KAT6A: variants seen among roughly 807,000 people sequenced by gnomAD.
KAT6A encodes histone acetyltransferase KAT6A.
In KAT6A, 9 loss-of-function variants were observed where a neutral mutation model predicts 198.4. The observed-to-expected ratio is 0.05, with a 90% CI of 0.03 to 0.08. The LOEUF (loss-of-function observed/expected upper bound fraction) is 0.08. Among genes scored for constraint, KAT6A ranks in the 10% least tolerant of loss-of-function variants. The pLI, the probability that KAT6A is intolerant of heterozygous loss-of-function variation, is 1.00. For missense variants in KAT6A, 2,077 were observed against 2,509.9 expected (o/e 0.83, Z 3.69); for synonymous variants, 890 against 883.0 (o/e 1.01, Z -0.14).
intron 7 of KAT6A, 81 bp from the exon 8 acceptor site, chr8:41,974,903 A>C: frequency 1.3e-6 from 1 of 770,962 alleles, no homozygotes; most frequent in Non-Finnish European, 2.2e-6. Context: ...TCTTTATTTC[A>C]ATTTGAAGAA....
rs957813237 is a variant in KAT6A at position 41,942,853 on chromosome 8, C to T, written c.2376G>A (p.Glu792=). Residue 792 remains glutamate (E), a synonymous_variant, in exon 14 of 17, where the codon GAG becomes GAA. Transcript: ENST00000265713. The part of the protein sequence containing the change: ...SNSVVSEEEE[E]EAEEGENEEP... ...CTTCGTTTTCTCCTTCCTCAGCCTC[C>T]TCTTCTTCCTCCTCTGAGACCACAG... 2 of 1,614,182 alleles carry T rather than the reference C, an allele frequency of 1.2e-6. No individual in the cohort carries two copies. The highest frequency in any genetic ancestry group is 1.3e-5 in the African/African-American group (1 of 75,040).
chr8:42,036,880 C>G (rs1369385662), intron 2 of KAT6A, among the ~76,000 whole-genome samples: 2 of 152,170 alleles, frequency 1.3e-5, no homozygotes, highest in African/African-American at 4.8e-5. Flanking sequence ...ATGTACATTT[C>G]CAGAAGTACA....
At chr8:42,011,085 C>G (rs1825998265) in intron 2 of KAT6A, among the ~76,000 whole-genome samples, 1 of 152,258 alleles carries the variant, frequency 6.6e-6, no homozygotes, top group African/African-American at 2.4e-5. Flanking sequence ...ACAGTTTGGT[C>G]CTATGCACTA....
chr8:42,031,652 C>T (rs1454623241), intron 2 of KAT6A, among the ~76,000 whole-genome samples: 3 of 100,108 alleles, frequency 3.0e-5, no homozygotes, highest in Admixed American at 1.6e-4. Context: ...TTTTTGGAGA[C>T]GGAGTCTAGC....
chr8:41,948,964 T>C (rs1159205063), intron 10 of KAT6A, among the ~76,000 whole-genome samples: 1 of 152,260 alleles, frequency 6.6e-6, no homozygotes, highest in African/African-American at 2.4e-5. Context: ...TGTGAGATAT[T>C]CCTTTTAAAT....
At chr8:41,940,792 AAGATAAACT>A in intron 15 of KAT6A, 41 bp downstream of exon 15, 2 of 1,563,548 alleles carry the variant, frequency 1.3e-6, no homozygotes, top group Non-Finnish European at 1.7e-6. Context: ...GAGAAGGTGT[AAGATAAACT>A]GGAATTGGAG....
intron 7 of KAT6A, among the ~76,000 whole-genome samples, chr8:41,976,214 G>C (rs1272736151): frequency 6.6e-6 from 1 of 152,198 alleles, no homozygotes; most frequent in Non-Finnish European, 1.5e-5. Context: ...TGTAGTAGAT[G>C]AGACACTACA....
intron 9 of KAT6A, among the ~76,000 whole-genome samples, chr8:41,953,103 TCTC>T (rs1187705604): frequency 1.3e-4 from 20 of 152,198 alleles, no homozygotes; most frequent in Admixed American, 2.6e-4. Flanking sequence ...TGATAACTAG[TCTC>T]CTCACACCTG....
At chr8:41,998,565 A>G (rs879503481) in intron 2 of KAT6A, among the ~76,000 whole-genome samples, 1 of 152,136 alleles carries the variant, frequency 6.6e-6, no homozygotes, top group East Asian at 1.9e-4. Flanking sequence ...AGGTGAGCAG[A>G]TATCACCACT....
chr8:41,986,711 T>C (rs1338632415), intron 3 of KAT6A, among the ~76,000 whole-genome samples: 1 of 152,134 alleles, frequency 6.6e-6, no homozygotes, highest in East Asian at 1.9e-4. Flanking sequence ...TAAAATACAG[T>C]CATGCACCAC....
intron 3 of KAT6A, among the ~76,000 whole-genome samples, chr8:41,984,407 T>C (rs911586918): frequency 4.6e-5 from 7 of 152,124 alleles, no homozygotes; most frequent in African/African-American, 4.8e-5. Flanking sequence ...CTGAAGCTTC[T>C]TGTCGACAAG....
chr8:42,040,350 A>C (rs760035200), intron 2 of KAT6A, among the ~76,000 whole-genome samples: 1 of 152,196 alleles, frequency 6.6e-6, no homozygotes, highest in Non-Finnish European at 1.5e-5. Flanking sequence ...TGTCTTCATT[A>C]ATTCCTTCCC....
chr8:42,040,774 A>G (rs1827628342), intron 2 of KAT6A, among the ~76,000 whole-genome samples: 1 of 151,082 alleles, frequency 6.6e-6, no homozygotes, highest in African/African-American at 2.4e-5. Flanking sequence ...AGAAAGAAAG[A>G]AAAGAAAAAT....
At chr8:41,939,158 G>A (rs1320569384) in intron 15 of KAT6A, among the ~76,000 whole-genome samples, 1 of 151,900 alleles carries the variant, frequency 6.6e-6, no homozygotes, top group Non-Finnish European at 1.5e-5. Context: ...GAGGGAGAAA[G>A]GACAAATCTC....
chr8:42,000,695 C>T (rs1189607314), intron 2 of KAT6A, among the ~76,000 whole-genome samples: 7 of 152,074 alleles, frequency 4.6e-5, no homozygotes, highest in African/African-American at 1.7e-4. Flanking sequence ...GTGAACAAAT[C>T]GGCATATAGC....
rs1179477445 is a variant in KAT6A at position 41,930,491 on chromosome 8, G to C, written c.*1714C>G. On this transcript the variant is annotated 3_prime_UTR_variant, in exon 17 of 17. Transcript: ENST00000265713. ...GTATTAAAAAAACCAACAAACCTGT[G>C]CATTTGAAAAAAGTTAATGCCTAAT... is the stretch of plus-strand genomic sequence containing the variant. 4.8e-6 allele frequency: 1 copy of C among 207,272 alleles called. No homozygotes were observed. The highest frequency in any genetic ancestry group is 6.0e-5 in the Admixed American group (1 of 16,786). The allele number at this position is 207,272 out of a possible 1,614,324, so 12.8% of individuals were successfully genotyped here.
chr8:42,024,535 T>G (rs1826701785), intron 2 of KAT6A, among the ~76,000 whole-genome samples: 1 of 152,188 alleles, frequency 6.6e-6, no homozygotes, highest in African/African-American at 2.4e-5. Flanking sequence ...AAATTAGAAC[T>G]TATTCCTTCT....
chr8:42,032,491 T>C (rs1827179767), intron 2 of KAT6A, among the ~76,000 whole-genome samples: 1 of 152,224 alleles, frequency 6.6e-6, no homozygotes, highest in South Asian at 2.1e-4. Flanking sequence ...GCTAAAGTTA[T>C]GAGAAACAAA....
At chr8:41,978,536 C>A in intron 6 of KAT6A, 106 bp downstream of exon 6, 1 of 1,132,126 alleles carries the variant, frequency 8.8e-7, no homozygotes, top group Non-Finnish European at 1.3e-6. Flanking sequence ...TATAAAAGTG[C>A]CAGATATGAC....
Sources: gnomAD v4.1 joint callset for allele counts (sites outside exome capture counted in the v4.1 genomes callset) on GRCh38, gnomAD v4.1.1 for gene constraint, MANE v1.5 for transcripts, NCBI Gene and HGNC (gene_info 2026-07-23, HGNC 2026-07-21) for gene names.